Variants in NRXN1 observed in about 807,000 individuals in gnomAD.
NRXN1 encodes the protein neurexin-1.
In NRXN1, 39 loss-of-function variants were observed where a neutral mutation model predicts 150.9. That is an observed-to-expected ratio of 0.26 (90% confidence interval 0.20 to 0.34). The LOEUF (loss-of-function observed/expected upper bound fraction) is 0.34. Ranked by LOEUF, NRXN1 falls within the 10% of genes least tolerant of loss-of-function variation. NRXN1 has a pLI of 1.00. For missense variants in NRXN1, 1,815 were observed against 1,949.9 expected (o/e 0.93, Z 1.30); for synonymous variants, 924 against 757.0 (o/e 1.22, Z -3.62).
At chr2:50,010,447 C>T (rs1685466882) in intron 21 of NRXN1, among the ~76,000 whole-genome samples, 1 of 152,088 alleles carries the variant, frequency 6.6e-6, no homozygotes, top group South Asian at 2.1e-4. Flanking sequence ...GATAAGCAGA[C>T]CTAAATACAT....
intron 5 of NRXN1, among the ~76,000 whole-genome samples, chr2:50,827,069 T>C (rs1670553518): frequency 1.3e-5 from 2 of 152,158 alleles, no homozygotes; most frequent in Admixed American, 6.5e-5. Flanking sequence ...ACTGTCAACT[T>C]TGTGACTTGC....
At chr2:50,453,186 C>T (rs144697752) in intron 17 of NRXN1, among the ~76,000 whole-genome samples, 1,719 of 152,192 alleles carry the variant, frequency 0.011, 36 homozygotes, top group African/African-American at 0.039. Context: ...ATCTAATAGT[C>T]TAATAGTCCT....
At chr2:50,413,185 C>A (rs10181522) in intron 17 of NRXN1, among the ~76,000 whole-genome samples, 36,012 of 152,032 alleles carry the variant, frequency 0.24, 4,584 homozygotes, top group East Asian at 0.43. Context: ...AACCCTCTAT[C>A]TAACAAGGAA....
chr2:50,773,565 T>C (rs1031249600), intron 5 of NRXN1, among the ~76,000 whole-genome samples: 3 of 152,116 alleles, frequency 2.0e-5, no homozygotes, highest in Non-Finnish European at 2.9e-5. Context: ...TATGAAACAT[T>C]GGTGCAGTGC....
At chr2:50,772,745 T>G (rs550917176) in intron 5 of NRXN1, among the ~76,000 whole-genome samples, 9 of 152,210 alleles carry the variant, frequency 5.9e-5, no homozygotes, top group African/African-American at 2.2e-4. Context: ...TGGGCCAATG[T>G]CCACACAGAG....
At chr2:50,158,733 T>A (rs1185580797) in intron 18 of NRXN1, among the ~76,000 whole-genome samples, 1 of 152,148 alleles carries the variant, frequency 6.6e-6, no homozygotes, top group Admixed American at 6.6e-5. Context: ...TTGTTTTTAA[T>A]AAGTGCAAAA....
intron 5 of NRXN1, among the ~76,000 whole-genome samples, chr2:50,779,169 C>G (rs1704027208): frequency 6.6e-6 from 1 of 152,120 alleles, no homozygotes; most frequent in African/African-American, 2.4e-5. Flanking sequence ...TGGTATCCCT[C>G]CCCTAGCACC....
chr2:50,097,355 A>G (rs564103784), intron 18 of NRXN1, among the ~76,000 whole-genome samples: 71 of 152,278 alleles, frequency 4.7e-4, no homozygotes, highest in African/African-American at 1.7e-3. Context: ...GAACTCAACA[A>G]TGTCTTTAAA....
At chr2:50,878,619 A>AGCTC (rs1418315401) in intron 5 of NRXN1, among the ~76,000 whole-genome samples, 1 of 151,974 alleles carries the variant, frequency 6.6e-6, no homozygotes, top group Admixed American at 6.6e-5. Context: ...ACTGAGCTAT[A>AGCTC]AGGATTCAAT....
chr2:50,915,805 T>A (rs1685138378), intron 5 of NRXN1, among the ~76,000 whole-genome samples: 1 of 151,064 alleles, frequency 6.6e-6, no homozygotes. Flanking sequence ...ATAAAAAGCC[T>A]CCTCTATGCA....
At chr2:49,943,401 G>A (rs1409692763) in intron 22 of NRXN1, among the ~76,000 whole-genome samples, 4 of 152,302 alleles carry the variant, frequency 2.6e-5, no homozygotes, top group Non-Finnish European at 4.4e-5. Flanking sequence ...CCAAGGGAAA[G>A]CTCATTATAT....
intron 19 of NRXN1, among the ~76,000 whole-genome samples, chr2:50,077,037 T>G (rs1045884576): frequency 1.6e-4 from 25 of 152,162 alleles, no homozygotes; most frequent in African/African-American, 6.0e-4. Flanking sequence ...CCTATGGTGT[T>G]GGCAAGTAAA....
intron 2 of NRXN1, among the ~76,000 whole-genome samples, chr2:50,979,099 T>G (rs535915904): frequency 1.1e-4 from 17 of 152,140 alleles, no homozygotes; most frequent in Non-Finnish European, 2.2e-4. Flanking sequence ...TGAGCATTTA[T>G]GTCTGACATT....
At chr2:50,132,442 A>G (rs1042354825) in intron 18 of NRXN1, among the ~76,000 whole-genome samples, 1 of 151,480 alleles carries the variant, frequency 6.6e-6, no homozygotes, top group African/African-American at 2.4e-5. Flanking sequence ...AGTATCTGGG[A>G]CTACAAGGGC....
intron 19 of NRXN1, among the ~76,000 whole-genome samples, chr2:50,083,675 C>T (rs1698318033): frequency 6.6e-6 from 1 of 152,144 alleles, no homozygotes; most frequent in Admixed American, 6.5e-5. Context: ...GCTGATCGGT[C>T]CATTTTACAG....
chr2:50,505,738 C>T (rs549660453), intron 13 of NRXN1, among the ~76,000 whole-genome samples: 3 of 152,196 alleles, frequency 2.0e-5, no homozygotes, highest in South Asian at 4.1e-4. Flanking sequence ...GGACCTCCTT[C>T]GAATTGAATG....
At chr2:50,881,660 TCAGGGG>T (rs1174429729) in intron 5 of NRXN1, among the ~76,000 whole-genome samples, 1 of 151,894 alleles carries the variant, frequency 6.6e-6, no homozygotes, top group African/African-American at 2.4e-5. Flanking sequence ...AAGAGTGGAA[TCAGGGG>T]CTGGACCCTG....
intron 21 of NRXN1, among the ~76,000 whole-genome samples, chr2:50,027,913 G>A (rs749043777): frequency 1.3e-5 from 2 of 152,054 alleles, no homozygotes; most frequent in Non-Finnish European, 2.9e-5. Flanking sequence ...AATAAGCCCC[G>A]ATTCCTATTA....
intron 5 of NRXN1, among the ~76,000 whole-genome samples, chr2:50,763,366 CCAT>C (rs1702033337): frequency 6.6e-6 from 1 of 151,920 alleles, no homozygotes; most frequent in Non-Finnish European, 1.5e-5. Context: ...CTCAATTCCT[CCAT>C]CTGTAAAACA....
Sources: allele counts gnomAD v4.1 joint callset (sites outside exome capture counted in the v4.1 genomes callset), GRCh38; gene constraint gnomAD v4.1.1; transcripts MANE v1.5; gene names NCBI Gene and HGNC (gene_info 2026-07-23, HGNC 2026-07-21).